The following COG6 variants were observed in gnomAD, a reference collection of about 807,000 sequenced individuals.
COG6 encodes component of oligomeric golgi complex 6.
Under a neutral mutation model 88.8 loss-of-function variants are expected in COG6, and 74 were observed. The observed-to-expected ratio is 0.83, with a 90% CI of 0.69 to 1.01. The LOEUF is 1.01. COG6 is among the 50% of genes least tolerant of loss of function. The pLI, the probability that COG6 is intolerant of heterozygous loss-of-function variation, is 0.00. For synonymous variants in COG6, 286 were observed against 278.7 expected, an observed-to-expected ratio of 1.03 and a Z score of -0.26; for missense variants, 800 against 797.9, an observed-to-expected ratio of 1.00 and a Z score of -0.03.
chr13:39,754,655 A>C (rs1880775231), downstream of COG6, among the ~76,000 whole-genome samples: 1 of 152,210 alleles, frequency 6.6e-6, no homozygotes. Context: ...TCAATATATG[A>C]GAGCTATTTT....
At chr13:39,760,634 A>G (rs1295167827) in intron 18 of COG6, among the ~76,000 whole-genome samples, 2 of 152,152 alleles carry the variant, frequency 1.3e-5, no homozygotes, top group Non-Finnish European at 2.9e-5. Context: ...TAACCAAAAA[A>G]TGTGCAAACA....
intron 1 of COG6, among the ~76,000 whole-genome samples, chr13:39,656,639 G>C (rs1874526471): frequency 6.6e-6 from 1 of 151,830 alleles, no homozygotes; most frequent in Non-Finnish European, 1.5e-5. Context: ...GAGTTTTATA[G>C]GTGAATATGT....
intron 14 of COG6, 31 bp from the exon 15 acceptor site, chr13:39,719,629 A>G: frequency 6.3e-7 from 1 of 1,592,974 alleles, no homozygotes; most frequent in Non-Finnish European, 8.6e-7. Context: ...TGATTGAGAA[A>G]TAAAGAGTTC....
At chr13:39,756,038 T>A (rs1469910246), downstream of COG6, among the ~76,000 whole-genome samples, 1 of 152,180 alleles carries the variant, frequency 6.6e-6, no homozygotes, top group Admixed American at 6.5e-5. Context: ...AGACAAAGAT[T>A]TTAACTATTT....
Position 39,751,164 on chromosome 13 carries a change from A to AT in COG6, c.*76dup, listed in dbSNP as rs1353729262. ...CTGAAGGTTATTTTTTATTCTTTGA[A>AT]TTTTTACTCTATAATTTGATAGTTA... On this transcript the variant is annotated 3_prime_UTR_variant, in exon 19 of 19. Transcript: ENST00000455146. 6.3e-7 allele frequency: 1 copy of AT among 1,580,558 alleles called. No individual in the cohort carries two copies. The highest frequency in any genetic ancestry group is 8.6e-7 in the Non-Finnish European group (1 of 1,161,274).
At chr13:39,669,068 A>G (rs149540301) in intron 4 of COG6, among the ~76,000 whole-genome samples, 56 of 152,318 alleles carry the variant, frequency 3.7e-4, no homozygotes, top group African/African-American at 1.3e-3. Context: ...TGGTGGGTGG[A>G]CAGTGTGAGA....
At chr13:39,687,389 A>G in intron 8 of COG6, 114 bp from the exon 9 acceptor site, 2 of 929,140 alleles carry the variant, frequency 2.2e-6, no homozygotes, top group South Asian at 1.3e-5. Flanking sequence ...CCGAATATCT[A>G]AAGGAGCTTT....
chr13:39,692,197 G>A (rs955186888), intron 11 of COG6, among the ~76,000 whole-genome samples: 8 of 151,992 alleles, frequency 5.3e-5, no homozygotes, highest in East Asian at 1.9e-4. Flanking sequence ...AGGGGGTACC[G>A]TGGCTCATCA....
downstream of COG6, among the ~76,000 whole-genome samples, chr13:39,756,305 G>A (rs987688449): frequency 6.6e-6 from 1 of 151,786 alleles, no homozygotes; most frequent in Admixed American, 6.6e-5. Context: ...AAAAAACTCA[G>A]AAAACTTGAA....
chr13:39,766,658 T>G (rs1881174502), intron 18 of COG6, among the ~76,000 whole-genome samples: 1 of 152,176 alleles, frequency 6.6e-6, no homozygotes, highest in Non-Finnish European at 1.5e-5. Flanking sequence ...GAACTAAGCA[T>G]TTGGTCCAAG....
At chr13:39,671,411 C>CT (rs1005215323) in intron 4 of COG6, among the ~76,000 whole-genome samples, 19 of 148,650 alleles carry the variant, frequency 1.3e-4, no homozygotes, top group Admixed American at 2.0e-4. Flanking sequence ...TTTTTTCTTC[C>CT]TTTTTTTTTG....
At chr13:39,663,352 A>C (rs1377797536) in intron 3 of COG6, among the ~76,000 whole-genome samples, 1 of 152,206 alleles carries the variant, frequency 6.6e-6, no homozygotes, top group Non-Finnish European at 1.5e-5. Context: ...AATAACGACT[A>C]GCCTAAAAAG....
chr13:39,675,811 C>T (rs1285473946), intron 4 of COG6, among the ~76,000 whole-genome samples: 4 of 151,990 alleles, frequency 2.6e-5, no homozygotes, highest in Admixed American at 6.6e-5. Flanking sequence ...TGCATAGTCT[C>T]AAGGAATTTG....
chr13:39,791,577 A>G (rs1881939377), exon 19 of COG6: 1 of 151,746 alleles, frequency 6.6e-6, no homozygotes, highest in Non-Finnish European at 1.5e-5. Context: ...ATATATCTGA[A>G]AAAAAAACCT....
At chr13:39,666,759 G>T (rs1441076296) in intron 4 of COG6, among the ~76,000 whole-genome samples, 2 of 152,162 alleles carry the variant, frequency 1.3e-5, no homozygotes, top group Non-Finnish European at 2.9e-5. Context: ...ATCCATTGCA[G>T]TTAAAATGGT....
At chr13:39,773,019 G>T (rs1318449361) in intron 18 of COG6, among the ~76,000 whole-genome samples, 1 of 152,170 alleles carries the variant, frequency 6.6e-6, no homozygotes, top group Admixed American at 6.5e-5. Context: ...GGTAGACCTG[G>T]GTCTCTGTTT....
At position 39,656,438 on chromosome 13, in the gene COG6, C is replaced by G. The variant is rs147306108; in HGVS notation, c.153+559C>G. ...CTACTAGTTTTTGTTGAGCCAAGCGCTATGATTTGTGGGCTCAGGCTGTAT... is the reference window on the plus strand; with the variant it reads ...CTACTAGTTTTTGTTGAGCCAAGCGGTATGATTTGTGGGCTCAGGCTGTAT... On this transcript the variant is annotated intron_variant, in intron 1 of 18. Transcript: ENST00000455146. Among the ~76,000 whole-genome samples the G allele has an allele frequency of 5.8e-3, 878 of 152,196 alleles. 3 individuals are homozygous for G. The highest frequency in any genetic ancestry group is 0.011 in the Admixed American group (169 of 15,282).
Position 39,752,232 on chromosome 13 carries a change from A to T in COG6, c.*1139A>T, listed in dbSNP as rs955578157. 1 of 1,049,610 alleles carries T rather than the reference A, an allele frequency of 9.5e-7. No homozygotes were observed. The highest frequency in any genetic ancestry group is 1.2e-6 in the Non-Finnish European group (1 of 814,486). 65.0% of individuals were successfully genotyped at this position (1,049,610 alleles called of 1,614,324 possible). A position where few individuals can be genotyped will look rare whatever the true frequency, so the allele number is the denominator to read the frequency against. On this transcript the variant is annotated 3_prime_UTR_variant, in exon 19 of 19. Coordinates refer to ENST00000455146, the MANE Select transcript of COG6 (RefSeq NM_020751.3). Reference sequence around the variant, plus strand: ...GAGAAAATTGAAGCACAAGGAAAAAAATAACTAGTTTGAAATATTTTGAAA... The same window carrying T: ...GAGAAAATTGAAGCACAAGGAAAAATATAACTAGTTTGAAATATTTTGAAA...
intron 7 of COG6, among the ~76,000 whole-genome samples, chr13:39,681,317 AT>A (rs1566177116): frequency 1.3e-5 from 2 of 152,086 alleles, no homozygotes; most frequent in Non-Finnish European, 2.9e-5. Flanking sequence ...GTTTGCTTCC[AT>A]CTGGAGTGTT....
Sources: allele counts gnomAD v4.1 joint callset (sites outside exome capture counted in the v4.1 genomes callset), GRCh38; gene constraint gnomAD v4.1.1; transcripts MANE v1.5; gene names NCBI Gene and HGNC (gene_info 2026-07-23, HGNC 2026-07-21).